MGAT4C: variants seen among roughly 807,000 people sequenced by gnomAD.
MGAT4C encodes MGAT4 family member C, also known as alpha-1,3-mannosyl-glycoprotein 4-beta-N-acetylglucosaminyltransferase C.
MGAT4C carries 19 observed loss-of-function variants against 40.1 expected under a neutral mutation model. The observed-to-expected ratio is 0.47, with a 90% confidence interval of 0.33 to 0.70. MGAT4C has a LOEUF of 0.70. Ranked by LOEUF, MGAT4C falls within the 30% of genes least tolerant of loss-of-function variation. The pLI is 0.02. For missense variants in MGAT4C, 491 were observed against 563.2 expected (o/e 0.87, Z 1.30); for synonymous variants, 181 against 187.1 (o/e 0.97, Z 0.27).
intron 1 of MGAT4C, among the ~76,000 whole-genome samples, chr12:86,774,335 CTTTCTG>C (rs1951706740): frequency 9.4e-6 from 1 of 106,240 alleles, no homozygotes; most frequent in Non-Finnish European, 1.9e-5. Context: ...TTCTTTCTTT[CTTTCTG>C]TCTCTCTCTC....
intron 3 of MGAT4C, among the ~76,000 whole-genome samples, chr12:86,409,614 C>A (rs768620708): frequency 5.3e-5 from 8 of 152,168 alleles, no homozygotes; most frequent in Admixed American, 2.0e-4. Context: ...ATGGAATTAC[C>A]CTGATTATTG....
intron 2 of MGAT4C, among the ~76,000 whole-genome samples, chr12:86,619,322 A>G (rs1488992199): frequency 2.6e-5 from 4 of 152,050 alleles, no homozygotes; most frequent in Non-Finnish European, 4.4e-5. Flanking sequence ...TGATAATGTC[A>G]TTCTCTCATA....
At chr12:86,194,230 A>G (rs1319066580) in intron 1 of MGAT4C, among the ~76,000 whole-genome samples, 2 of 152,102 alleles carry the variant, frequency 1.3e-5, no homozygotes, top group Non-Finnish European at 2.9e-5. Flanking sequence ...TACATTAATC[A>G]TAGTTATTTA....
intron 2 of MGAT4C, among the ~76,000 whole-genome samples, chr12:86,643,434 T>C (rs1462081494): frequency 6.6e-6 from 1 of 151,850 alleles, no homozygotes; most frequent in Non-Finnish European, 1.5e-5. Flanking sequence ...AAAGTGGAAA[T>C]AGACTGAATA....
At chr12:86,519,243 T>C (rs1309040133) in intron 2 of MGAT4C, among the ~76,000 whole-genome samples, 1 of 152,238 alleles carries the variant, frequency 6.6e-6, no homozygotes, top group Admixed American at 6.5e-5. Flanking sequence ...TTCTTTCTTT[T>C]CTAATGATTG....
intron 1 of MGAT4C, among the ~76,000 whole-genome samples, chr12:86,772,153 T>C (rs920879007): frequency 6.6e-6 from 1 of 152,186 alleles, no homozygotes; most frequent in Non-Finnish European, 1.5e-5. Flanking sequence ...GTATGGCTCA[T>C]GGGTCTATTC....
At chr12:86,810,483 T>C (rs1593228619) in intron 1 of MGAT4C, among the ~76,000 whole-genome samples, 1 of 151,970 alleles carries the variant, frequency 6.6e-6, no homozygotes, top group East Asian at 1.9e-4. Flanking sequence ...GGTGATGTTA[T>C]TTTTCAAGTT....
chr12:86,665,832 G>A (rs1442394115), intron 2 of MGAT4C, among the ~76,000 whole-genome samples: 1 of 152,122 alleles, frequency 6.6e-6, no homozygotes, highest in Non-Finnish European at 1.5e-5. Flanking sequence ...AGGCAAAATT[G>A]GAGATGACTA....
chr12:86,647,228 T>C lies in MGAT4C; in HGVS notation c.-229+79981A>G, dbSNP rs566507845. Reference sequence around the variant, plus strand: ...CCACTCAAAGAATCATGAGGAATTATATATTGTTCTTGTTTTGAGTCATTA... The same window carrying C: ...CCACTCAAAGAATCATGAGGAATTACATATTGTTCTTGTTTTGAGTCATTA... On this transcript the variant is annotated intron_variant, in intron 2 of 7. Coordinates refer to the MGAT4C transcript ENST00000548651. 2.0e-5 allele frequency among the ~76,000 whole-genome samples: 3 copies of C among 152,086 alleles called. No individual in the cohort carries two copies. The South Asian group carries it at 6.2e-4, about 32-fold the overall frequency.
chr12:86,298,076 G>A (rs1953723355), intron 4 of MGAT4C, among the ~76,000 whole-genome samples: 1 of 152,086 alleles, frequency 6.6e-6, no homozygotes, highest in Admixed American at 6.6e-5. Flanking sequence ...AGAAGAGGGT[G>A]TAGGGCAATA....
At chr12:86,152,331 T>C (rs1292815929) in intron 1 of MGAT4C, among the ~76,000 whole-genome samples, 1 of 152,214 alleles carries the variant, frequency 6.6e-6, no homozygotes, top group African/African-American at 2.4e-5. Flanking sequence ...GAACCTGACC[T>C]CTGCTTCCAA....
At position 86,208,060 on chromosome 12, in the gene MGAT4C, GCTT is replaced by G. The variant is rs1268294815; in HGVS notation, c.-57+48176_-57+48178del. ...CTAAGCTTGACTAAACTTTAGATAA[GCTT>G]CTTCCTGCCTCTAGGTCTCTGACCT... is the stretch of plus-strand genomic sequence containing the variant. On this transcript the variant is annotated intron_variant, in intron 1 of 4. Transcript: ENST00000611864. Among the ~76,000 whole-genome samples, 3 of 152,278 alleles carry G rather than the reference GCTT, an allele frequency of 2.0e-5. No individual in the cohort carries two copies. In the East Asian group the frequency reaches 5.8e-4, roughly 29 times the overall value.
At chr12:86,816,742 T>A (rs971518637) in intron 1 of MGAT4C, among the ~76,000 whole-genome samples, 13 of 151,728 alleles carry the variant, frequency 8.6e-5, no homozygotes, top group Admixed American at 6.6e-4. Flanking sequence ...TGAGTGGATA[T>A]GTCCCTGCAA....
At chr12:86,632,687 C>G (rs1038313343) in intron 2 of MGAT4C, among the ~76,000 whole-genome samples, 12 of 141,448 alleles carry the variant, frequency 8.5e-5, no homozygotes, top group African/African-American at 2.7e-4. Flanking sequence ...GTTTCTCGCT[C>G]ATAGGTGGGA....
intron 4 of MGAT4C, among the ~76,000 whole-genome samples, chr12:86,309,725 A>T (rs1424982232): frequency 6.6e-6 from 1 of 152,232 alleles, no homozygotes; most frequent in African/African-American, 2.4e-5. Flanking sequence ...GTTGGTGGCA[A>T]TATTATAAAC....
At chr12:86,517,614 CTTT>C (rs917154184) in intron 2 of MGAT4C, among the ~76,000 whole-genome samples, 2 of 151,794 alleles carry the variant, frequency 1.3e-5, no homozygotes, top group Admixed American at 6.6e-5. Flanking sequence ...AGCAAAGTGA[CTTT>C]TTATTTATTT....
At chr12:86,512,221 A>G (rs905794267) in intron 2 of MGAT4C, among the ~76,000 whole-genome samples, 1 of 152,146 alleles carries the variant, frequency 6.6e-6, no homozygotes, top group African/African-American at 2.4e-5. Context: ...ACAATGATAT[A>G]TCACCTTACA....
At chr12:86,014,393 G>A (rs1032089978) in intron 2 of MGAT4C, among the ~76,000 whole-genome samples, 2 of 152,118 alleles carry the variant, frequency 1.3e-5, no homozygotes, top group African/African-American at 4.8e-5. Context: ...TCCAGCCTAG[G>A]AGCTTCAAGC....
intron 2 of MGAT4C, among the ~76,000 whole-genome samples, chr12:86,537,980 G>A (rs541959946): frequency 2.2e-4 from 34 of 152,192 alleles, no homozygotes; most frequent in Non-Finnish European, 4.1e-4. Flanking sequence ...CCAGCTACTC[G>A]GGAGGCTGAG....
Sources: allele counts gnomAD v4.1 joint callset (sites outside exome capture counted in the v4.1 genomes callset), GRCh38; gene constraint gnomAD v4.1.1; transcripts MANE v1.5; gene names NCBI Gene and HGNC (gene_info 2026-07-23, HGNC 2026-07-21).